The following ERMP1 variants were observed in gnomAD, a reference collection of about 807,000 sequenced individuals.
ERMP1 encodes the protein Felix-ina.
Under a neutral mutation model 92.0 loss-of-function variants are expected in ERMP1, and 86 were observed. The observed-to-expected ratio is 0.93, with a 90% confidence interval of 0.79 to 1.12. The LOEUF is 1.12. ERMP1 is among the 50% of genes most tolerant of loss of function. ERMP1 has a pLI of 0.00. For missense variants in ERMP1, 1,342 were observed against 1,116.3 expected (o/e 1.20, Z -2.88); for synonymous variants, 530 against 412.8 (o/e 1.28, Z -3.44).
In ERMP1 at chr9:5,787,610, A is replaced by G; in HGVS notation, c.2387-17T>C. The G allele has an allele frequency of 6.3e-7, 1 of 1,596,472 alleles. No individual in the cohort carries two copies. The highest frequency in any genetic ancestry group is 1.4e-5 in the African/African-American group (1 of 73,542). On this transcript the variant is annotated splice_polypyrimidine_tract_variant and intron_variant, in intron 13 of 14. Transcript: ENST00000339450. ...GGCTTGGTCCTGTAAGGTAAAAGGA[A>G]GAAAGAACAGTTAATCTTTTTAAAA... is the stretch of plus-strand genomic sequence containing the variant.
chr9:5,865,545 T>C (rs1563789672), intron 5 of ERMP1, among the ~76,000 whole-genome samples: 1 of 147,292 alleles, frequency 6.8e-6, no homozygotes, highest in South Asian at 2.1e-4. Context: ...TAATAATTTA[T>C]ATGCAGGCCG....
rs1203584099 is a variant in ERMP1, at chr9:5,797,914, A to C, written c.2289T>G (p.Pro763=). The change falls in exon 13 of 15, where the codon CCT becomes CCG. Residue 763 remains proline, a synonymous_variant. Transcript: ENST00000339450. ...GATTTCTTGGAGAAACTTCTGGGGC[A>C]GGAAGATACCAGTTTTTCCTATTTA... is the stretch of plus-strand genomic sequence containing the variant. ...HFLIRKNWYL[P]APEVSPRNPP... The C allele has an allele frequency of 6.2e-7, 1 of 1,611,716 alleles. No individual in the cohort carries two copies. Among genetic ancestry groups the C allele is most frequent in the Non-Finnish European group, 8.5e-7 (1 of 1,178,172 alleles).
chr9:5,788,103 G>A (rs976302770), intron 13 of ERMP1, among the ~76,000 whole-genome samples: 2 of 152,196 alleles, frequency 1.3e-5, no homozygotes. Flanking sequence ...CAAGGAAACT[G>A]ATGACAGTGG....
In ERMP1 at chr9:5,832,560, T is replaced by C; in HGVS notation, c.338+130A>G. 1.5e-5 allele frequency: 10 copies of C among 685,074 alleles called. No individual in the cohort carries two copies. The South Asian group carries it at 2.7e-4, about 18-fold the overall frequency. The allele number at this position is 685,074 out of a possible 1,614,324, so 42.4% of individuals were successfully genotyped here. A position where few individuals can be genotyped will look rare whatever the true frequency, so the allele number is the denominator to read the frequency against. ...ACAAGCAAGGTCACCCCACCCCACG[T>C]GCAGCCTGGGAGGGGTCAGCGAGTC... is the stretch of plus-strand genomic sequence containing the variant. On this transcript the variant is annotated intron_variant, in intron 1 of 14. Coordinates refer to ENST00000339450, the MANE Select transcript of ERMP1 (RefSeq NM_024896.3).
chr9:5,833,089 A>ACGCCGCCGT lies in ERMP1; in HGVS notation c.-71_-63dup, dbSNP rs908668915. 6.7e-6 allele frequency: 9 copies of ACGCCGCCGT among 1,352,328 alleles called. No individual in the cohort carries two copies. The highest frequency in any genetic ancestry group is 1.5e-5 in the African/African-American group (1 of 64,996). 83.8% of individuals were successfully genotyped at this position (1,352,328 alleles called of 1,614,324 possible). ...CCCGCGACAGCCCCGGCCGCCGCCGACGCCGCCGTCGCTGCCGCAGCGCCT... is the reference window on the plus strand; with the variant it reads ...CCCGCGACAGCCCCGGCCGCCGCCGACGCCGCCGTCGCCGCCGTCGCTGCCGCAGCGCCT... On this transcript the variant is annotated 5_prime_UTR_variant, in exon 1 of 15. Coordinates refer to ENST00000339450, the MANE Select transcript of ERMP1 (RefSeq NM_024896.3).
At chr9:5,819,935 G>A (rs998746731) in intron 4 of ERMP1, among the ~76,000 whole-genome samples, 10 of 152,132 alleles carry the variant, frequency 6.6e-5, no homozygotes, top group Non-Finnish European at 1.2e-4. Flanking sequence ...AATTGATTAT[G>A]ATGATGATTG....
At chr9:5,809,945 C>T (rs777430146) in intron 8 of ERMP1, 66 bp downstream of exon 8, 13 of 1,136,724 alleles carry the variant, frequency 1.1e-5, no homozygotes, top group Non-Finnish European at 1.6e-5. Flanking sequence ...CAATGAATCA[C>T]ACTTAAGTTC....
chr9:5,865,488 A>G (rs1830627828), intron 5 of ERMP1, among the ~76,000 whole-genome samples: 1 of 144,784 alleles, frequency 6.9e-6, no homozygotes, highest in African/African-American at 2.6e-5. Flanking sequence ...AGCCTGGGCG[A>G]CAGAGCAAGA....
At chr9:5,812,755 A>T in intron 5 of ERMP1, 134 bp downstream of exon 5, 2 of 953,834 alleles carry the variant, frequency 2.1e-6, no homozygotes, top group Non-Finnish European at 3.3e-6. Context: ...ACTCTGTTTT[A>T]GTGAGTCAAT....
chr9:5,802,726 G>A (rs562074257), intron 10 of ERMP1, among the ~76,000 whole-genome samples: 3 of 152,276 alleles, frequency 2.0e-5, no homozygotes, highest in African/African-American at 7.2e-5. Context: ...TTCTCTGCTG[G>A]ACCTTCATGG....
chr9:5,853,353 T>C (rs934321810), intron 6 of ERMP1, among the ~76,000 whole-genome samples: 1 of 152,200 alleles, frequency 6.6e-6, no homozygotes, highest in Non-Finnish European at 1.5e-5. Flanking sequence ...CAAGGTGGCA[T>C]ACTTTGGGGT....
chr9:5,824,105 T>C (rs556254128), intron 3 of ERMP1, 104 bp from the exon 4 acceptor site: 4 of 812,436 alleles, frequency 4.9e-6, no homozygotes, highest in Middle Eastern at 4.5e-4. Context: ...GTAAGGAATA[T>C]GAAAACAAAA....
chr9:5,828,463 C>T (rs1829811238), intron 2 of ERMP1, among the ~76,000 whole-genome samples: 1 of 152,212 alleles, frequency 6.6e-6, no homozygotes, highest in Non-Finnish European at 1.5e-5. Flanking sequence ...TTTTGGTGGC[C>T]TGGCAACAGC....
At chr9:5,862,495 G>C (rs1244743917) in intron 5 of ERMP1, among the ~76,000 whole-genome samples, 2 of 152,026 alleles carry the variant, frequency 1.3e-5, no homozygotes, top group Non-Finnish European at 2.9e-5. Context: ...ACCATGCCCA[G>C]CTAATTTTTT....
chr9:5,824,012 A>C lies in ERMP1; in HGVS notation c.769-11T>G. On this transcript the variant is annotated splice_polypyrimidine_tract_variant and intron_variant, in intron 3 of 14. Coordinates refer to ENST00000339450, the MANE Select transcript of ERMP1 (RefSeq NM_024896.3). ...GAAACCATGACTGGCCTTAAAGAGA[A>C]GGAAAGAAAACAAATATTTGTTAAA... is the stretch of plus-strand genomic sequence containing the variant. 6.3e-7 allele frequency: 1 copy of C among 1,591,886 alleles called. No homozygotes were observed.
chr9:5,857,141 A>C (rs1294724314), intron 6 of ERMP1, among the ~76,000 whole-genome samples: 2 of 151,592 alleles, frequency 1.3e-5, no homozygotes, highest in Non-Finnish European at 1.5e-5. Context: ...CCCACCTCAG[A>C]CTCCCAAGTA....
intron 11 of ERMP1, 72 bp downstream of exon 11, chr9:5,801,104 A>G (rs773146427): frequency 2.3e-5 from 34 of 1,491,232 alleles, no homozygotes; most frequent in Non-Finnish European, 2.8e-5. Flanking sequence ...TGCGCTTGCT[A>G]TTCACTACTG....
intron 13 of ERMP1, among the ~76,000 whole-genome samples, chr9:5,796,467 C>T (rs1398286649): frequency 6.6e-6 from 1 of 152,134 alleles, no homozygotes; most frequent in African/African-American, 2.4e-5. Flanking sequence ...GTTCAAAAAC[C>T]TGCCCAGGAA....
chr9:5,843,732 A>G (rs13296962), intron 6 of ERMP1, among the ~76,000 whole-genome samples: 9,649 of 152,032 alleles, frequency 0.063, 405 homozygotes, highest in Middle Eastern at 0.15. Flanking sequence ...GCAGAGCCGA[A>G]GATCTCTGCT....
Sources: allele counts gnomAD v4.1 joint callset (sites outside exome capture counted in the v4.1 genomes callset), GRCh38; gene constraint gnomAD v4.1.1; transcripts MANE v1.5; gene names NCBI Gene and HGNC (gene_info 2026-07-23, HGNC 2026-07-21).